Variants in PARD3B observed in about 807,000 individuals in gnomAD.
The protein encoded by PARD3B is par-3 family cell polarity regulator beta, also known as partitioning defective 3 homolog B.
A neutral mutation model predicts 130.2 loss-of-function variants in PARD3B; 103 were observed. The ratio of observed to expected loss-of-function variants is 0.79; its 90% confidence interval spans 0.67 to 0.93. The LOEUF is 0.93. PARD3B is among the 40% of genes least tolerant of loss of function. The probability of loss-of-function intolerance (pLI) is 0.00; values close to 1 mark genes in which losing one functional copy is unlikely to be tolerated. For synonymous variants in PARD3B, 583 were observed against 553.2 expected (o/e 1.05, Z -0.76); for missense variants, 1,609 against 1,499.2 (o/e 1.07, Z -1.21).
intron 1 of PARD3B, among the ~76,000 whole-genome samples, chr2:204,676,462 C>T (rs979162966): frequency 6.6e-6 from 1 of 151,930 alleles, no homozygotes; most frequent in African/African-American, 2.4e-5. Flanking sequence ...GCAGAGATTT[C>T]CTCTTTCAAG....
At chr2:205,222,331 G>C (rs2038286818) in intron 15 of PARD3B, among the ~76,000 whole-genome samples, 1 of 152,152 alleles carries the variant, frequency 6.6e-6, no homozygotes, top group African/African-American at 2.4e-5. Flanking sequence ...AGGAATTTGT[G>C]CTTTGAAGTC....
intron 3 of PARD3B, among the ~76,000 whole-genome samples, chr2:204,998,489 T>A (rs1304561597): frequency 9.0e-6 from 1 of 110,656 alleles, no homozygotes; most frequent in Non-Finnish European, 1.8e-5. Flanking sequence ...GTATATAATA[T>A]ATGTATATAT....
chr2:205,412,276 G>C (rs1187348929), intron 19 of PARD3B, among the ~76,000 whole-genome samples: 2 of 152,082 alleles, frequency 1.3e-5, no homozygotes, highest in Non-Finnish European at 2.9e-5. Flanking sequence ...ATCTCATATT[G>C]AGAGTTAGAG....
rs2036381288 is a variant in PARD3B at position 204,673,058 on chromosome 2, A to G, written c.121-13123A>G. ...TCACAATCCAGTGAGGGTAGAGGAT[A>G]TTGTTCCCATTTATGAGTGGTAAAT... On this transcript the variant is annotated intron_variant, in intron 1 of 22. Coordinates refer to ENST00000406610, the MANE Select transcript of PARD3B (RefSeq NM_001302769.2). This position sits in a 1 kb window ranked among gnomAD's most constrained non-coding sequence, Gnocchi z 4.7. Among the ~76,000 whole-genome samples, 1 of 152,142 alleles carries G rather than the reference A, an allele frequency of 6.6e-6. No individual in the cohort carries two copies. Among genetic ancestry groups the G allele is most frequent in the African/African-American group, 2.4e-5 (1 of 41,426 alleles).
chr2:205,396,605 T>G (rs909522272), intron 18 of PARD3B, among the ~76,000 whole-genome samples: 8 of 152,340 alleles, frequency 5.3e-5, no homozygotes, highest in Non-Finnish European at 1.2e-4. Flanking sequence ...CATAAGATTC[T>G]TTAAACAGGC....
At chr2:204,605,281 T>A (rs2033670842) in intron 1 of PARD3B, among the ~76,000 whole-genome samples, 1 of 152,212 alleles carries the variant, frequency 6.6e-6, no homozygotes, top group South Asian at 2.1e-4. Flanking sequence ...CAGCCATCTT[T>A]AAACTCTCAC....
rs1479826437 is a variant in PARD3B, at chr2:205,287,078, A to G, written c.2186-13452A>G. Among the ~76,000 whole-genome samples the G allele has an allele frequency of 1.3e-5, 2 of 152,178 alleles. No individual in the cohort carries two copies. Among genetic ancestry groups the G allele is most frequent in the Non-Finnish European group, 2.9e-5 (2 of 68,030 alleles). On this transcript the variant is annotated intron_variant, in intron 16 of 22. Transcript: ENST00000406610. The surrounding 1 kb of genome is among the most constrained non-coding windows in gnomAD (Gnocchi z 4.8). ...GCAACAGACTGGAACATGCCTGTCT[A>G]TAAGCTGGTGTCAGACACACTTCTC...
chr2:205,557,357 G>A (rs1281762404), intron 22 of PARD3B, among the ~76,000 whole-genome samples: 6 of 152,066 alleles, frequency 3.9e-5, no homozygotes, highest in Non-Finnish European at 8.8e-5. Context: ...TAAGTTCTAC[G>A]AAGATGACTA....
At chr2:205,515,118 G>A (rs922190161) in intron 21 of PARD3B, among the ~76,000 whole-genome samples, 3 of 152,058 alleles carry the variant, frequency 2.0e-5, no homozygotes, top group Non-Finnish European at 4.4e-5. Context: ...GCATTAGTTT[G>A]TTGAGGGTAA....
In PARD3B at chr2:205,047,946, A is replaced by C. The variant is rs148486423; in HGVS notation, c.504+256A>C. Reference sequence around the variant, plus strand: ...TATATTAAGTCATCTAAACTTCCACATCAAGGTAAGCACATGTTTTTATCT... The same window carrying C: ...TATATTAAGTCATCTAAACTTCCACCTCAAGGTAAGCACATGTTTTTATCT... On this transcript the variant is annotated intron_variant, in intron 4 of 22. Transcript: ENST00000406610. The C allele has an allele frequency of 5.2e-3, 1,484 of 287,460 alleles. 14 individuals are homozygous for C. Among genetic ancestry groups the C allele is most frequent in the African/African-American group, 0.028 (1,310 of 46,122 alleles). 17.8% of individuals were successfully genotyped at this position (287,460 alleles called of 1,614,324 possible).
At chr2:205,290,502 GTGTT>G (rs1489470585) in intron 16 of PARD3B, among the ~76,000 whole-genome samples, 2 of 152,156 alleles carry the variant, frequency 1.3e-5, no homozygotes, top group Non-Finnish European at 2.9e-5. Context: ...AGAAGGTTGA[GTGTT>G]TGTTCTGAAA....
Position 204,683,016 on chromosome 2 carries a change from T to C in PARD3B, c.121-3165T>C, listed in dbSNP as rs551099952. 2.2e-4 allele frequency among the ~76,000 whole-genome samples: 33 copies of C among 152,350 alleles called. 1 individual carries two copies. In the South Asian group the frequency reaches 2.7e-3, roughly 12 times the overall value. Reference sequence around the variant, plus strand: ...GATCATTAAAAATAACTCTTCTTCCTGTAATGCCTGTGTTTTTGTTTTGCT... The same window carrying C: ...GATCATTAAAAATAACTCTTCTTCCCGTAATGCCTGTGTTTTTGTTTTGCT... On this transcript the variant is annotated intron_variant, in intron 1 of 22. Coordinates refer to ENST00000406610, the MANE Select transcript of PARD3B (RefSeq NM_001302769.2).
chr2:205,553,022 AAAAG>A (rs1277649262), intron 21 of PARD3B, among the ~76,000 whole-genome samples: 3 of 44,438 alleles, frequency 6.8e-5, no homozygotes, highest in Non-Finnish European at 3.8e-4. Context: ...CGGTTTTAAA[AAAAG>A]AAGAAGAAGA....
At chr2:204,741,910 G>C (rs2040024914) in intron 2 of PARD3B, among the ~76,000 whole-genome samples, 1 of 152,034 alleles carries the variant, frequency 6.6e-6, no homozygotes, top group South Asian at 2.1e-4. Context: ...ATAGGATTAA[G>C]TGATGCTGAC....
chr2:204,827,941 C>T (rs912991556), intron 2 of PARD3B, among the ~76,000 whole-genome samples: 1 of 152,090 alleles, frequency 6.6e-6, no homozygotes, highest in African/African-American at 2.4e-5. Context: ...GCCAGAAGCC[C>T]AGTTTTATGA....
chr2:205,067,169 TTTGTTTTTC>T (rs1700446023), intron 4 of PARD3B, among the ~76,000 whole-genome samples: 1 of 148,816 alleles, frequency 6.7e-6, no homozygotes, highest in Admixed American at 6.8e-5. Context: ...ATAATTGGTT[TTTGTTTTTC>T]AGAGAAAGGG....
At chr2:205,109,765 T>C (rs1329607304) in intron 5 of PARD3B, among the ~76,000 whole-genome samples, 3 of 151,472 alleles carry the variant, frequency 2.0e-5, no homozygotes, top group Admixed American at 1.3e-4. Context: ...GTGATTCTTA[T>C]GCCTCAGCCT....
intron 18 of PARD3B, among the ~76,000 whole-genome samples, chr2:205,344,900 C>T (rs572740675): frequency 1.4e-4 from 22 of 152,220 alleles, no homozygotes; most frequent in Non-Finnish European, 2.5e-4. Context: ...AGTTGGGTAA[C>T]GAGGAATTTT....
intron 2 of PARD3B, among the ~76,000 whole-genome samples, chr2:204,722,461 C>T (rs2039040019): frequency 1.3e-5 from 2 of 152,256 alleles, no homozygotes; most frequent in South Asian, 2.1e-4. Context: ...AAATTAAAAC[C>T]AGGACCCTGA....
Sources: allele counts gnomAD v4.1 joint callset (sites outside exome capture counted in the v4.1 genomes callset), GRCh38; gene constraint gnomAD v4.1.1; non-coding constraint Gnocchi (gnomAD v3.1); transcripts MANE v1.5; gene names NCBI Gene and HGNC (gene_info 2026-07-23, HGNC 2026-07-21).